The following PDE4B variants were observed in gnomAD, a reference collection of about 807,000 sequenced individuals.
PDE4B encodes the protein 3',5'-cyclic-AMP phosphodiesterase 4B.
In PDE4B, 20 loss-of-function variants were observed where a neutral mutation model predicts 82.2. That is an observed-to-expected ratio of 0.24 (90% CI 0.17 to 0.35). The LOEUF is 0.35. PDE4B is among the 10% of genes least tolerant of loss of function. The pLI, the probability that PDE4B is intolerant of heterozygous loss-of-function variation, is 1.00. For synonymous variants in PDE4B, 320 were observed against 318.9 expected (o/e 1.00, Z -0.04); for missense variants, 655 against 907.2 (o/e 0.72, Z 3.57).
chr1:66,362,233 G>T (rs1473637017), intron 10 of PDE4B, among the ~76,000 whole-genome samples: 1 of 152,178 alleles, frequency 6.6e-6, no homozygotes, highest in Non-Finnish European at 1.5e-5. Context: ...ACATTTCAGG[G>T]ACTGTATGCC....
intron 1 of PDE4B, among the ~76,000 whole-genome samples, chr1:65,856,289 A>G (rs940310843): frequency 1.9e-4 from 29 of 152,208 alleles, no homozygotes; most frequent in African/African-American, 6.7e-4. Context: ...TGCGGCACCC[A>G]TGAACCCATC....
chr1:65,951,786 A>G (rs371717025), intron 3 of PDE4B, among the ~76,000 whole-genome samples: 2 of 152,140 alleles, frequency 1.3e-5, no homozygotes, highest in Admixed American at 1.3e-4. Context: ...ATAGATCCCA[A>G]TGTTCTTCCT....
At chr1:66,093,001 G>A (rs945209439) in intron 3 of PDE4B, among the ~76,000 whole-genome samples, 1 of 152,086 alleles carries the variant, frequency 6.6e-6, no homozygotes, top group African/African-American at 2.4e-5. Context: ...TTTAACCTTT[G>A]TAGTATTAAA....
At chr1:66,106,068 C>G (rs370898457) in intron 3 of PDE4B, among the ~76,000 whole-genome samples, 1 of 151,856 alleles carries the variant, frequency 6.6e-6, no homozygotes, top group South Asian at 2.1e-4. Context: ...ATGATATTGG[C>G]TGTGGGTTTG....
At chr1:66,269,999 C>T (rs982377438) in intron 7 of PDE4B, among the ~76,000 whole-genome samples, 5 of 152,072 alleles carry the variant, frequency 3.3e-5, no homozygotes, top group African/African-American at 1.2e-4. Context: ...GGAACATTAC[C>T]ACTGGTAACA....
chr1:66,004,353 C>T (rs1281553014), intron 3 of PDE4B, among the ~76,000 whole-genome samples: 1 of 151,978 alleles, frequency 6.6e-6, no homozygotes, highest in African/African-American at 2.4e-5. Flanking sequence ...ATCTTAAATC[C>T]ATTCTTTTAG....
At chr1:66,370,627 G>T (rs76338325) in intron 16 of PDE4B, among the ~76,000 whole-genome samples, 3,891 of 152,258 alleles carry the variant, frequency 0.026, 151 homozygotes, top group African/African-American at 0.088. Context: ...TCTTTACTGG[G>T]TGCTCTCAGG....
At chr1:65,848,783 A>C (rs892344641) in intron 1 of PDE4B, among the ~76,000 whole-genome samples, 86 of 152,214 alleles carry the variant, frequency 5.6e-4, no homozygotes, top group African/African-American at 1.8e-3. Flanking sequence ...TCATCCATTT[A>C]CCTTTGTTGA....
rs952599755 is a variant in PDE4B, at chr1:65,994,508, A to AT, written c.281+75675dup. ...TTCAAAGCCTACTAATGATGGTAACATTGTATAAAGGGAAGGTTTATGTAT... is the reference window on the plus strand; with the variant it reads ...TTCAAAGCCTACTAATGATGGTAACATTTGTATAAAGGGAAGGTTTATGTAT... On this transcript the variant is annotated intron_variant, in intron 3 of 16. Coordinates refer to ENST00000341517, the MANE Select transcript of PDE4B (RefSeq NM_002600.4). Among the ~76,000 whole-genome samples the AT allele has an allele frequency of 1.6e-3, 9 of 5,626 alleles. No homozygotes were observed. The Non-Finnish European group carries it at 0.066, about 41-fold the overall frequency. The allele number at this position is 5,626 out of a possible 152,430, so 3.7% of individuals were successfully genotyped here.
intron 3 of PDE4B, among the ~76,000 whole-genome samples, chr1:65,959,815 A>T (rs1649456231): frequency 6.6e-6 from 1 of 152,216 alleles, no homozygotes; most frequent in Middle Eastern, 3.4e-3. Flanking sequence ...CGATTCAGTA[A>T]AAAAGTAATT....
chr1:66,072,729 G>C (rs935243705), intron 3 of PDE4B, among the ~76,000 whole-genome samples: 9 of 152,084 alleles, frequency 5.9e-5, no homozygotes, highest in Non-Finnish European at 1.2e-4. Flanking sequence ...CTAAATACCT[G>C]CTCTGTTCTA....
chr1:65,795,225 A>G (rs1359524349), intron 1 of PDE4B, among the ~76,000 whole-genome samples: 2 of 152,262 alleles, frequency 1.3e-5, no homozygotes, highest in Non-Finnish European at 2.9e-5. Flanking sequence ...GAAGAAATAA[A>G]GAGTTCTAGG....
chr1:66,138,832 G>C (rs1269548432), intron 3 of PDE4B, among the ~76,000 whole-genome samples: 1 of 152,104 alleles, frequency 6.6e-6, no homozygotes, highest in African/African-American at 2.4e-5. Flanking sequence ...AACTTTTATT[G>C]CCAGCAAACC....
intron 7 of PDE4B, among the ~76,000 whole-genome samples, chr1:66,323,375 A>G (rs1195723354): frequency 6.6e-6 from 1 of 152,150 alleles, no homozygotes; most frequent in African/African-American, 2.4e-5. Flanking sequence ...GGTTATCCCT[A>G]TTATAAATGT....
chr1:65,813,115 G>C (rs940246308), intron 1 of PDE4B, among the ~76,000 whole-genome samples: 14 of 152,166 alleles, frequency 9.2e-5, no homozygotes, highest in Non-Finnish European at 4.4e-5. Flanking sequence ...TGAGGGTTTG[G>C]TTTATTAGCT....
intron 3 of PDE4B, among the ~76,000 whole-genome samples, chr1:66,139,592 T>G (rs1028264722): frequency 1.3e-5 from 2 of 152,162 alleles, no homozygotes; most frequent in Non-Finnish European, 2.9e-5. Flanking sequence ...AAGTCTCTTT[T>G]ATCATTTAAT....
At chr1:65,877,466 T>A (rs1646658685) in intron 1 of PDE4B, among the ~76,000 whole-genome samples, 1 of 151,840 alleles carries the variant, frequency 6.6e-6, no homozygotes, top group Non-Finnish European at 1.5e-5. Flanking sequence ...ATACAAAGAA[T>A]TAGCTGGGCG....
intron 3 of PDE4B, among the ~76,000 whole-genome samples, chr1:66,187,707 G>C (rs1231581435): frequency 6.6e-6 from 1 of 151,804 alleles, no homozygotes; most frequent in Non-Finnish European, 1.5e-5. Flanking sequence ...TATTGCATCT[G>C]TTTGATTCTT....
chr1:65,971,802 A>G (rs1650155085), intron 3 of PDE4B, among the ~76,000 whole-genome samples: 1 of 152,222 alleles, frequency 6.6e-6, no homozygotes, highest in Admixed American at 6.5e-5. Context: ...CCAAGTAATC[A>G]TCTCTAGAAT....
Sources: allele counts gnomAD v4.1 joint callset (sites outside exome capture counted in the v4.1 genomes callset), GRCh38; gene constraint gnomAD v4.1.1; transcripts MANE v1.5; gene names NCBI Gene and HGNC (gene_info 2026-07-23, HGNC 2026-07-21).